The following ZNF430 variants were observed in gnomAD, a reference collection of about 807,000 sequenced individuals.
The protein encoded by ZNF430 is zinc finger protein 430.
ZNF430 carries 35 observed loss-of-function variants against 56.7 expected under a neutral mutation model. That is an observed-to-expected ratio of 0.62 (90% CI 0.47 to 0.82). The LOEUF (loss-of-function observed/expected upper bound fraction) is 0.82, where lower values mean the gene tolerates loss of function less well. Among genes scored for constraint, ZNF430 ranks in the 40% least tolerant of loss-of-function variants. The pLI is 0.00. For synonymous variants in ZNF430, 212 were observed against 224.3 expected, an observed-to-expected ratio of 0.94 and a Z score of 0.49; for missense variants, 574 against 661.0, an observed-to-expected ratio of 0.87 and a Z score of 1.44.
At position 21,059,284 on chromosome 19, in the gene ZNF430, C is replaced by T. The variant is rs1408685972; in HGVS notation, c.*1263C>T. On this transcript the variant is annotated 3_prime_UTR_variant, in exon 5 of 5. Coordinates refer to ENST00000261560, the MANE Select transcript of ZNF430 (RefSeq NM_025189.4). ...TTGGGGCCAGGTGCAGTGGCTCACA[C>T]CTGTAATCCAGCACTTTGGGAGGCC... 6.6e-6 allele frequency: 1 copy of T among 152,114 alleles called. No individual in the cohort carries two copies. Among genetic ancestry groups the T allele is most frequent in the Non-Finnish European group, 1.5e-5 (1 of 68,066 alleles). 9.4% of individuals were successfully genotyped at this position (152,114 alleles called of 1,614,324 possible). A position where few individuals can be genotyped will look rare whatever the true frequency, so the allele number is the denominator to read the frequency against.
chr19:21,020,905 C>T (rs1974285708), intron 1 of ZNF430, 102 bp downstream of exon 1: 1 of 1,512,892 alleles, frequency 6.6e-7, no homozygotes. Context: ...GTCAGCTGCA[C>T]AATCTGCGCC....
intron 4 of ZNF430, among the ~76,000 whole-genome samples, chr19:21,054,718 C>T (rs1968342282): frequency 7.5e-6 from 1 of 132,946 alleles, no homozygotes; most frequent in African/African-American, 2.8e-5. Context: ...CTCTGTCGCC[C>T]AGGCTGGAGT....
chr19:21,057,890 C>G lies in ZNF430; in HGVS notation c.1582C>G (p.Leu528Val), dbSNP rs777557190. ...CDKAFSQSST[L>V]TKHKVIHTGE... Reference sequence around the variant, plus strand: ...TAAAGCCTTTAGCCAGTCTTCAACTCTTACTAAACATAAGGTAATTCATAC... The same window carrying G: ...TAAAGCCTTTAGCCAGTCTTCAACTGTTACTAAACATAAGGTAATTCATAC... Residue 528 changes from leucine to valine, a missense_variant, in exon 5 of 5, where the codon CTT becomes GTT. Transcript: ENST00000261560. 5.0e-6 allele frequency: 8 copies of G among 1,613,846 alleles called. No homozygotes were observed. The Admixed American group carries it at 5.0e-5, about 10-fold the overall frequency.
intron 2 of ZNF430, among the ~76,000 whole-genome samples, chr19:21,027,540 C>A (rs1325027298): frequency 6.6e-6 from 1 of 151,812 alleles, no homozygotes; most frequent in Non-Finnish European, 1.5e-5. Context: ...TTCAGTTTCC[C>A]AGTATTTTGT....
In ZNF430 at chr19:21,059,687, A is replaced by C. The variant is rs1480587706; in HGVS notation, c.*1666A>C. ...AAAAATTACAGATTTTTTGTAAATA[A>C]TGATGTAATTCAACTCTCAAAATAT... On this transcript the variant is annotated 3_prime_UTR_variant, in exon 5 of 5. Coordinates refer to ENST00000261560, the MANE Select transcript of ZNF430 (RefSeq NM_025189.4). 1 of 152,170 alleles carries C rather than the reference A, an allele frequency of 6.6e-6. No individual in the cohort carries two copies. Among genetic ancestry groups the C allele is most frequent in the Non-Finnish European group, 1.5e-5 (1 of 68,026 alleles). The allele number at this position is 152,170 out of a possible 1,614,324, so 9.4% of individuals were successfully genotyped here.
Position 21,046,317 on chromosome 19 carries a change from C to CA in ZNF430, c.323-10295dup, listed in dbSNP as rs60881206. Among the ~76,000 whole-genome samples the CA allele has an allele frequency of 2.0e-3, 217 of 110,028 alleles. 1 individual carries two copies. The highest frequency in any genetic ancestry group is 8.5e-3 in the East Asian group (33 of 3,884). 72.2% of individuals were successfully genotyped at this position (110,028 alleles called of 152,430 possible). A position where few individuals can be genotyped will look rare whatever the true frequency, so the allele number is the denominator to read the frequency against. On this transcript the variant is annotated intron_variant, in intron 4 of 4. Transcript: ENST00000261560. ...TGGGTGACAGAACAAGACTCCATCT[C>CA]AAAAAAAAAAAAAAAAAAAGTTTAA...
chr19:21,050,375 A>G (rs1277650442), intron 4 of ZNF430, among the ~76,000 whole-genome samples: 1 of 152,150 alleles, frequency 6.6e-6, no homozygotes, highest in African/African-American at 2.4e-5. Context: ...GTGTATGACA[A>G]TGTTTAACTC....
chr19:21,059,885 C>T lies in ZNF430; in HGVS notation c.*1864C>T, dbSNP rs1453538630. 6.6e-6 allele frequency: 1 copy of T among 151,866 alleles called. No individual in the cohort carries two copies. Among genetic ancestry groups the T allele is most frequent in the African/African-American group, 2.4e-5 (1 of 41,354 alleles). 9.4% of individuals were successfully genotyped at this position (151,866 alleles called of 1,614,324 possible). Reference sequence around the variant, plus strand: ...CATGATGAAAAATTAAGTGAAGAGGCTCTTTATGGTTAATTTATATTGAAT... The same window carrying T: ...CATGATGAAAAATTAAGTGAAGAGGTTCTTTATGGTTAATTTATATTGAAT... On this transcript the variant is annotated 3_prime_UTR_variant, in exon 5 of 5. Transcript: ENST00000261560.
rs1967907175 is a variant in ZNF430 at position 21,031,839 on chromosome 19, C to T, written c.97-1617C>T. Among the ~76,000 whole-genome samples, 3 of 152,066 alleles carry T rather than the reference C, an allele frequency of 2.0e-5. 1 individual carries two copies. Among genetic ancestry groups the T allele is most frequent in the South Asian group, 2.1e-4 (1 of 4,820 alleles). On this transcript the variant is annotated intron_variant, in intron 2 of 4. Coordinates refer to ENST00000261560, the MANE Select transcript of ZNF430 (RefSeq NM_025189.4). ...TTAGTACTTGCAAATCTTTACTTCT[C>T]GATTTGTGTTTTTCCTTCTTAAGGA...
chr19:21,029,130 C>T (rs142373622), intron 2 of ZNF430, among the ~76,000 whole-genome samples: 2 of 152,220 alleles, frequency 1.3e-5, no homozygotes, highest in Non-Finnish European at 2.9e-5. Context: ...TTTTATATGG[C>T]CATTCAAAAA....
chr19:21,020,683 G>T lies in ZNF430; in HGVS notation c.-118G>T. On this transcript the variant is annotated 5_prime_UTR_variant, in exon 1 of 5. Transcript: ENST00000261560. ...TCCCTCGCTGTGGCCTGAGCTCCAG[G>T]TCTCGTCTTCAGCGCTCTGTGTCCT... is the stretch of plus-strand genomic sequence containing the variant. 1 of 1,463,106 alleles carries T rather than the reference G, an allele frequency of 6.8e-7. No homozygotes were observed. The highest frequency in any genetic ancestry group is 9.5e-7 in the Non-Finnish European group (1 of 1,050,348). 90.6% of individuals were successfully genotyped at this position (1,463,106 alleles called of 1,614,324 possible).
intron 2 of ZNF430, among the ~76,000 whole-genome samples, chr19:21,030,263 T>C (rs1448844350): frequency 6.6e-6 from 1 of 152,160 alleles, no homozygotes; most frequent in Non-Finnish European, 1.5e-5. Context: ...CTGCCTGTAT[T>C]TAACTTTTAT....
At chr19:21,050,818 A>G (rs1331491694) in intron 4 of ZNF430, among the ~76,000 whole-genome samples, 1 of 152,168 alleles carries the variant, frequency 6.6e-6, no homozygotes, top group East Asian at 1.9e-4. Flanking sequence ...GCCCGAGGTC[A>G]GGAGTTCAAG....
intron 2 of ZNF430, 77 bp downstream of exon 2, chr19:21,022,958 A>G: frequency 9.3e-7 from 1 of 1,074,344 alleles, no homozygotes; most frequent in Non-Finnish European, 1.4e-6. Flanking sequence ...TGGTCAACCA[A>G]TCAGACTGTG....
chr19:21,040,093 C>G (rs1389500256), intron 4 of ZNF430, among the ~76,000 whole-genome samples: 1 of 152,204 alleles, frequency 6.6e-6, no homozygotes, highest in Non-Finnish European at 1.5e-5. Context: ...CCACCTTCAT[C>G]TTCCAAATTG....
chr19:21,027,063 C>T (rs189518504), intron 2 of ZNF430, among the ~76,000 whole-genome samples: 15 of 151,772 alleles, frequency 9.9e-5, no homozygotes, highest in Admixed American at 2.6e-4. Flanking sequence ...CTCTTGACCT[C>T]GTGATCTGCT....
chr19:21,029,310 T>C (rs76709707), intron 2 of ZNF430, among the ~76,000 whole-genome samples: 4,560 of 152,250 alleles, frequency 0.03, 239 homozygotes, highest in African/African-American at 0.1. Flanking sequence ...TGAGGAGATA[T>C]TTATGGAGTG....
Position 21,058,111 on chromosome 19 carries a change from A to T in ZNF430, c.*90A>T. The T allele has an allele frequency of 8.1e-7, 1 of 1,233,924 alleles. No individual in the cohort carries two copies. The highest frequency in any genetic ancestry group is 1.1e-6 in the Non-Finnish European group (1 of 892,912). 76.4% of individuals were successfully genotyped at this position (1,233,924 alleles called of 1,614,324 possible). On this transcript the variant is annotated 3_prime_UTR_variant, in exon 5 of 5. Transcript: ENST00000261560. Reference sequence around the variant, plus strand: ...GAGGAACCCTATGAGTGTGAAGAATATGGCAAAGCCTTCAACAAGTCCTCA... The same window carrying T: ...GAGGAACCCTATGAGTGTGAAGAATTTGGCAAAGCCTTCAACAAGTCCTCA...
intron 4 of ZNF430, among the ~76,000 whole-genome samples, chr19:21,054,736 CG>C (rs1968342785): frequency 7.3e-6 from 1 of 137,648 alleles, no homozygotes; most frequent in Non-Finnish European, 1.5e-5. Flanking sequence ...AGTGCAGTGG[CG>C]CATCTCCGCT....
Sources: allele counts gnomAD v4.1 joint callset (sites outside exome capture counted in the v4.1 genomes callset), GRCh38; gene constraint gnomAD v4.1.1; transcripts MANE v1.5; gene names NCBI Gene and HGNC (gene_info 2026-07-23, HGNC 2026-07-21).